The following TNFRSF10D variants were observed in gnomAD, a reference collection of about 807,000 sequenced individuals.
The protein encoded by TNFRSF10D is TNF receptor superfamily member 10d.
Under a neutral mutation model 42.1 loss-of-function variants are expected in TNFRSF10D, and 28 were observed. That is an observed-to-expected ratio of 0.66 (90% confidence interval 0.49 to 0.91). The LOEUF is 0.91. Ranked by LOEUF, TNFRSF10D falls within the 40% of genes least tolerant of loss-of-function variation. The pLI is 0.00. For synonymous variants in TNFRSF10D, 186 were observed against 189.4 expected, an observed-to-expected ratio of 0.98 and a Z score of 0.15; for missense variants, 503 against 486.1, an observed-to-expected ratio of 1.03 and a Z score of -0.33.
chr8:23,148,145 T>C (rs13439214), intron 3 of TNFRSF10D, among the ~76,000 whole-genome samples: 9,480 of 146,852 alleles, frequency 0.065, 999 homozygotes, highest in African/African-American at 0.23. Flanking sequence ...GAGGCTGAGG[T>C]AGAAGAATCA....
At chr8:23,163,628 C>T (rs533817223) in intron 1 of TNFRSF10D, among the ~76,000 whole-genome samples, 158 bp downstream of exon 1, 1 of 152,152 alleles carries the variant, frequency 6.6e-6, no homozygotes, top group Admixed American at 6.5e-5. Context: ...CCGGGCACCC[C>T]ACTCTTCCCC....
chr8:23,154,567 C>T (rs1258085404), intron 2 of TNFRSF10D, among the ~76,000 whole-genome samples: 1 of 150,086 alleles, frequency 6.7e-6, no homozygotes, highest in Non-Finnish European at 1.5e-5. Flanking sequence ...ATTATTTTTT[C>T]CACATATTTT....
chr8:23,148,656 GA>G (rs1800163135), intron 2 of TNFRSF10D, 105 bp from the exon 3 acceptor site: 1 of 774,364 alleles, frequency 1.3e-6, no homozygotes, highest in Non-Finnish European at 2.2e-6. Flanking sequence ...TCCAGACAGA[GA>G]AATCTGCTCT....
In TNFRSF10D at chr8:23,136,387, A is replaced by G. The variant is rs116412719; in HGVS notation, c.*1483T>C. 6.4e-3 allele frequency: 1,188 copies of G among 185,264 alleles called. No individual in the cohort carries two copies. The highest frequency in any genetic ancestry group is 0.025 in the South Asian group (251 of 10,084). 11.5% of individuals were successfully genotyped at this position (185,264 alleles called of 1,614,324 possible). On this transcript the variant is annotated 3_prime_UTR_variant, in exon 9 of 9. Coordinates refer to ENST00000312584, the MANE Select transcript of TNFRSF10D (RefSeq NM_003840.5). Reference sequence around the variant, plus strand: ...GAATCTGTACCCTAAAACGCAGCTCAGGAATCTCTGCCCTAAAAGGCATCC... The same window carrying G: ...GAATCTGTACCCTAAAACGCAGCTCGGGAATCTCTGCCCTAAAAGGCATCC...
chr8:23,147,079 A>C lies in TNFRSF10D; in HGVS notation c.371-7T>G. The C allele has an allele frequency of 6.2e-7, 1 of 1,610,984 alleles. No homozygotes were observed. Among genetic ancestry groups the C allele is most frequent in the Non-Finnish European group, 8.5e-7 (1 of 1,177,280 alleles). Reference sequence around the variant, plus strand: ...GAACTTTTATTTGTTTGACCTGACAACAGAGCATAAGGTTTTGAGAATGTG... The same window carrying C: ...GAACTTTTATTTGTTTGACCTGACACCAGAGCATAAGGTTTTGAGAATGTG... On this transcript the variant is annotated splice_polypyrimidine_tract_variant and splice_region_variant and intron_variant, in intron 3 of 8. Transcript: ENST00000312584.
intron 7 of TNFRSF10D, among the ~76,000 whole-genome samples, chr8:23,143,217 C>A (rs1036698489): frequency 6.6e-6 from 1 of 150,440 alleles, no homozygotes; most frequent in African/African-American, 2.5e-5. Context: ...ACCTTGTGAT[C>A]CACCCTCCTC....
chr8:23,139,239 G>A (rs972960946), intron 7 of TNFRSF10D, among the ~76,000 whole-genome samples: 1 of 149,244 alleles, frequency 6.7e-6, no homozygotes. Flanking sequence ...TTTATTTGAA[G>A]AGGAACACAA....
chr8:23,151,474 C>T (rs1800212223), intron 2 of TNFRSF10D, among the ~76,000 whole-genome samples: 1 of 151,998 alleles, frequency 6.6e-6, no homozygotes, highest in African/African-American at 2.4e-5. Context: ...AAATATAAAA[C>T]TAGGTGGTTA....
chr8:23,162,170 A>T (rs190157712), intron 1 of TNFRSF10D, among the ~76,000 whole-genome samples: 504 of 151,462 alleles, frequency 3.3e-3, no homozygotes, highest in African/African-American at 0.011. Context: ...AATTTTAAAA[A>T]GCAACTGTGC....
chr8:23,161,344 C>T lies in TNFRSF10D; in HGVS notation c.150+2442G>A, dbSNP rs1184299527. ...GGCCGTTGGATCTTTTCGATTCCTACTTTGATAAAGAGAAGGGCGGGGCGG... is the reference window on the plus strand; with the variant it reads ...GGCCGTTGGATCTTTTCGATTCCTATTTTGATAAAGAGAAGGGCGGGGCGG... On this transcript the variant is annotated intron_variant, in intron 1 of 8. Transcript: ENST00000312584. 3.3e-5 allele frequency among the ~76,000 whole-genome samples: 5 copies of T among 152,204 alleles called. No individual in the cohort carries two copies. In the South Asian group the frequency reaches 1.0e-3, roughly 31 times the overall value.
At chr8:23,149,843 T>TTA (rs113866986) in intron 2 of TNFRSF10D, among the ~76,000 whole-genome samples, 857 of 152,040 alleles carry the variant, frequency 5.6e-3, no homozygotes, top group African/African-American at 0.018. Flanking sequence ...CATCACTTAA[T>TTA]TTCTTCATGG....
chr8:23,137,735 T>C lies in TNFRSF10D; in HGVS notation c.*135A>G. On this transcript the variant is annotated 3_prime_UTR_variant, in exon 9 of 9. Transcript: ENST00000312584. ...GTGCGTTAACAAAGTTCTAGGACCA[T>C]TGGTAAGCTGCCCCATATTGGATAG... 1 of 1,214,334 alleles carries C rather than the reference T, an allele frequency of 8.2e-7. No individual in the cohort carries two copies. Among genetic ancestry groups the C allele is most frequent in the Non-Finnish European group, 1.1e-6 (1 of 876,294 alleles). The allele number at this position is 1,214,334 out of a possible 1,614,324, so 75.2% of individuals were successfully genotyped here.
rs568932682 is a variant in TNFRSF10D, at chr8:23,137,513, G to C, written c.*357C>G. On this transcript the variant is annotated 3_prime_UTR_variant, in exon 9 of 9. Coordinates refer to ENST00000312584, the MANE Select transcript of TNFRSF10D (RefSeq NM_003840.5). ...TGAGATGGAGTTTCACTGTGTTGAT[G>C]AGGCTGGTCTCAAACTCCCGAGCTC... 5.3e-3 allele frequency: 906 copies of C among 172,226 alleles called. No individual in the cohort carries two copies. The highest frequency in any genetic ancestry group is 0.018 in the African/African-American group (751 of 41,928). The allele number at this position is 172,226 out of a possible 1,614,324, so 10.7% of individuals were successfully genotyped here.
rs1343329643 is a variant in TNFRSF10D at position 23,157,706 on chromosome 8, C to T, written c.151-2727G>A. Among the ~76,000 whole-genome samples the T allele has an allele frequency of 9.9e-5, 15 of 152,262 alleles. No homozygotes were observed. In the East Asian group the frequency reaches 2.7e-3, roughly 28 times the overall value. ...CTGCAGCTGTATTACTAGGCATATA[C>T]AATTTGTGATTATTATTATACTCCT... On this transcript the variant is annotated intron_variant, in intron 1 of 8. Coordinates refer to ENST00000312584, the MANE Select transcript of TNFRSF10D (RefSeq NM_003840.5).
At position 23,145,208 on chromosome 8, in the gene TNFRSF10D, G is replaced by C. The variant is rs530359843; in HGVS notation, c.737-119C>G. On this transcript the variant is annotated intron_variant, in intron 5 of 8. Transcript: ENST00000312584. ...GGGACACTGGACAAGGAGCCCTGGGGCTGGGGACAGAATGGGGCCTTGCAA... is the reference window on the plus strand; with the variant it reads ...GGGACACTGGACAAGGAGCCCTGGGCCTGGGGACAGAATGGGGCCTTGCAA... 234 of 1,303,008 alleles carry C rather than the reference G, an allele frequency of 1.8e-4. 3 individuals carry two copies. In the South Asian group the frequency reaches 2.7e-3, roughly 15 times the overall value. 80.7% of individuals were successfully genotyped at this position (1,303,008 alleles called of 1,614,324 possible). A position where few individuals can be genotyped will look rare whatever the true frequency, so the allele number is the denominator to read the frequency against.
intron 1 of TNFRSF10D, among the ~76,000 whole-genome samples, chr8:23,157,495 A>C (rs73548517): frequency 0.016 from 2,511 of 152,282 alleles, 65 homozygotes; most frequent in African/African-American, 0.057. Flanking sequence ...AAGTATCATG[A>C]GCATAGAAAG....
chr8:23,146,355 G>A (rs116300154), intron 4 of TNFRSF10D, among the ~76,000 whole-genome samples: 936 of 152,198 alleles, frequency 6.1e-3, no homozygotes, highest in African/African-American at 0.019. Flanking sequence ...ACACTGGAGG[G>A]CCAGAGAAGA....
rs567931744 is a variant in TNFRSF10D at position 23,137,683 on chromosome 8, C to T, written c.*187G>A. On this transcript the variant is annotated 3_prime_UTR_variant, in exon 9 of 9. Transcript: ENST00000312584. ...AAATTTCTCCCGTTTGCTTATCACA[C>T]GCAGTATTTCATAAAAATTACTCCA... The T allele has an allele frequency of 2.1e-3, 1,319 of 638,802 alleles. 7 individuals carry two copies. Among genetic ancestry groups the T allele is most frequent in the Non-Finnish European group, 2.8e-3 (1,114 of 394,096 alleles). The allele number at this position is 638,802 out of a possible 1,614,324, so 39.6% of individuals were successfully genotyped here.
chr8:23,138,597 A>C (rs904179272), intron 7 of TNFRSF10D, among the ~76,000 whole-genome samples: 1 of 152,128 alleles, frequency 6.6e-6, no homozygotes, highest in Non-Finnish European at 1.5e-5. Context: ...CCCTCACAAG[A>C]AATGATCACT....
Sources: gnomAD v4.1 joint callset for allele counts (sites outside exome capture counted in the v4.1 genomes callset) on GRCh38, gnomAD v4.1.1 for gene constraint, MANE v1.5 for transcripts, NCBI Gene and HGNC (gene_info 2026-07-23, HGNC 2026-07-21) for gene names.